The following DAB2IP variants were observed in gnomAD, a reference collection of about 807,000 sequenced individuals.
DAB2IP encodes the protein disabled homolog 2-interacting protein.
A neutral mutation model predicts 107.2 loss-of-function variants in DAB2IP; 28 were observed. The observed-to-expected ratio is 0.26, with a 90% confidence interval of 0.19 to 0.36. The LOEUF (loss-of-function observed/expected upper bound fraction) is 0.36, where lower values mean the gene tolerates loss of function less well. Ranked by LOEUF, DAB2IP falls within the 10% of genes least tolerant of loss-of-function variation. The probability of loss-of-function intolerance (pLI) is 1.00; values close to 1 mark genes in which losing one functional copy is unlikely to be tolerated. For synonymous variants in DAB2IP, 755 were observed against 706.4 expected, an observed-to-expected ratio of 1.07 and a Z score of -1.09; for missense variants, 1,400 against 1,644.7, an observed-to-expected ratio of 0.85 and a Z score of 2.57.
intron 1 of DAB2IP, among the ~76,000 whole-genome samples, chr9:121,586,355 A>C (rs1350179106): frequency 6.6e-6 from 1 of 152,214 alleles, no homozygotes; most frequent in Non-Finnish European, 1.5e-5. Flanking sequence ...ATAGCGTTGC[A>C]GTTGGGTAAT....
At chr9:121,764,875 C>T (rs1482590889) in intron 8 of DAB2IP, among the ~76,000 whole-genome samples, 1 of 152,216 alleles carries the variant, frequency 6.6e-6, no homozygotes, top group Non-Finnish European at 1.5e-5. Context: ...AGGGTTGTGC[C>T]TGTGCCTAAA....
chr9:121,595,191 A>G (rs2777320), intron 1 of DAB2IP, among the ~76,000 whole-genome samples: 92,112 of 151,620 alleles, frequency 0.61, 28,293 homozygotes, highest in Middle Eastern at 0.63. Flanking sequence ...ACTGAAGTTC[A>G]GAGTAGGACT....
upstream of DAB2IP, among the ~76,000 whole-genome samples, chr9:121,650,495 A>G (rs1308019002): frequency 1.3e-5 from 2 of 152,200 alleles, no homozygotes; most frequent in Non-Finnish European, 2.9e-5. Context: ...AGCCGGCCTC[A>G]GGCACTTGCG....
At chr9:121,775,158 G>A (rs1330176933) in intron 13 of DAB2IP, among the ~76,000 whole-genome samples, 3 of 152,290 alleles carry the variant, frequency 2.0e-5, no homozygotes, top group Admixed American at 6.5e-5. Flanking sequence ...CCATGTAGAC[G>A]GAGGAACCAG....
chr9:121,674,597 CTT>C (rs1449599460), intron 1 of DAB2IP, among the ~76,000 whole-genome samples: 1 of 152,190 alleles, frequency 6.6e-6, no homozygotes, highest in Non-Finnish European at 1.5e-5. Context: ...TGGGAGCACT[CTT>C]TGCTATAGAC....
intron 3 of DAB2IP, among the ~76,000 whole-genome samples, chr9:121,729,938 C>G (rs2118848360): frequency 6.6e-6 from 1 of 152,254 alleles, no homozygotes; most frequent in African/African-American, 2.4e-5. Flanking sequence ...CTCCTCCCAG[C>G]AACCTTGGGA....
chr9:121,692,410 T>C (rs1829209432), intron 2 of DAB2IP, among the ~76,000 whole-genome samples: 2 of 152,220 alleles, frequency 1.3e-5, no homozygotes, highest in African/African-American at 4.8e-5. Context: ...TATGCATGCC[T>C]GTCCTTGAAC....
At chr9:121,707,413 T>A (rs1830113025) in intron 3 of DAB2IP, among the ~76,000 whole-genome samples, 1 of 152,164 alleles carries the variant, frequency 6.6e-6, no homozygotes, top group South Asian at 2.1e-4. Flanking sequence ...AGTGAGTTAC[T>A]CCTTAGCACA....
At chr9:121,594,409 T>G (rs1830484275) in intron 1 of DAB2IP, among the ~76,000 whole-genome samples, 1 of 151,848 alleles carries the variant, frequency 6.6e-6, no homozygotes. Flanking sequence ...ACCTAATTTT[T>G]GTATTTTAGT....
chr9:121,599,433 C>T lies in DAB2IP; in HGVS notation c.40+32205C>T, dbSNP rs1830615242. Reference sequence around the variant, plus strand: ...ACAGGTGCGCCCCCGCCCCTCTGCTCCCCGCCCGCGCTGGGTCCCGGGCCT... The same window carrying T: ...ACAGGTGCGCCCCCGCCCCTCTGCTTCCCGCCCGCGCTGGGTCCCGGGCCT... On this transcript the variant is annotated intron_variant, in intron 1 of 16. Transcript: ENST00000259371. The surrounding 1 kb of genome is among the most constrained non-coding windows in gnomAD (Gnocchi z 6.9). Among the ~76,000 whole-genome samples the T allele has an allele frequency of 6.6e-6, 1 of 152,092 alleles. No individual in the cohort carries two copies. Among genetic ancestry groups the T allele is most frequent in the Non-Finnish European group, 1.5e-5 (1 of 67,984 alleles).
At chr9:121,613,195 G>A (rs913063119) in intron 1 of DAB2IP, among the ~76,000 whole-genome samples, 3 of 152,202 alleles carry the variant, frequency 2.0e-5, no homozygotes, top group Non-Finnish European at 4.4e-5. Flanking sequence ...GGTAATGTGT[G>A]TAAAGTGCTT....
intron 1 of DAB2IP, among the ~76,000 whole-genome samples, chr9:121,666,598 G>A (rs750383275): frequency 2.6e-5 from 4 of 152,222 alleles, no homozygotes; most frequent in Non-Finnish European, 5.9e-5. Context: ...GCCTGTCGGC[G>A]GGTTGGGGGG....
At chr9:121,643,348 A>T (rs1013712079) in intron 1 of DAB2IP, among the ~76,000 whole-genome samples, 27 of 151,976 alleles carry the variant, frequency 1.8e-4, no homozygotes, top group African/African-American at 6.3e-4. Context: ...ACACAGTGAC[A>T]AATCTAAGCC....
At chr9:121,725,289 C>T (rs991834285) in intron 3 of DAB2IP, among the ~76,000 whole-genome samples, 2 of 152,180 alleles carry the variant, frequency 1.3e-5, no homozygotes, top group African/African-American at 2.4e-5. Flanking sequence ...CATTGTCAGG[C>T]GTCCATGGAA....
chr9:121,757,139 CATCCTT>C, exon 4 of DAB2IP: 1 of 1,614,136 alleles, frequency 6.2e-7, no homozygotes, highest in Non-Finnish European at 8.5e-7. Context: ...TGCACAGCAG[CATCCTT>C]GGCCAGGACT....
At chr9:121,575,956 G>A (rs1004152481) in intron 1 of DAB2IP, 19 of 152,140 alleles carry the variant, frequency 1.2e-4, no homozygotes, top group African/African-American at 4.6e-4. Context: ...TACATCATGG[G>A]AAGATGGAGG....
At chr9:121,627,135 A>ACACT (rs779164695) in intron 1 of DAB2IP, among the ~76,000 whole-genome samples, 5 of 24,740 alleles carry the variant, frequency 2.0e-4, no homozygotes, top group African/African-American at 3.6e-4. Context: ...ACACACACAC[A>ACACT]CACACTCACA....
chr9:121,710,587 G>A (rs1830293005), intron 3 of DAB2IP, among the ~76,000 whole-genome samples: 1 of 152,228 alleles, frequency 6.6e-6, no homozygotes, highest in Admixed American at 6.5e-5. Context: ...ATAATGCTGG[G>A]TGAGGTGGGG....
At chr9:121,752,785 C>G (rs1833214182) in intron 3 of DAB2IP, 1 of 152,238 alleles carries the variant, frequency 6.6e-6, no homozygotes, top group African/African-American at 2.4e-5. Flanking sequence ...ACCCCCACAA[C>G]TCAAAGGGCT....
Sources: gnomAD v4.1 joint callset for allele counts (sites outside exome capture counted in the v4.1 genomes callset) on GRCh38, gnomAD v4.1.1 for gene constraint, Gnocchi (gnomAD v3.1) non-coding constraint, MANE v1.5 for transcripts, NCBI Gene and HGNC (gene_info 2026-07-23, HGNC 2026-07-21) for gene names.